Variants in AXDND1 observed in about 807,000 individuals in gnomAD.
The protein encoded by AXDND1 is axonemal dynein light chain domain-containing protein 1.
In AXDND1, 110 loss-of-function variants were observed where a neutral mutation model predicts 137.5. That is an observed-to-expected ratio of 0.80 (90% CI 0.69 to 0.94). The LOEUF is 0.94. AXDND1 is among the 40% of genes least tolerant of loss of function. The pLI is 0.00. For synonymous variants in AXDND1, 414 were observed against 399.7 expected (o/e 1.04, Z -0.43); for missense variants, 1,191 against 1,169.8 (o/e 1.02, Z -0.26).
intron 15 of AXDND1, among the ~76,000 whole-genome samples, chr1:179,435,938 A>G (rs924080503): frequency 1.3e-5 from 2 of 152,136 alleles, no homozygotes; most frequent in African/African-American, 4.8e-5. Flanking sequence ...CAATCTATCC[A>G]TCTGACAGAG....
intron 11 of AXDND1, among the ~76,000 whole-genome samples, chr1:179,397,311 T>C (rs879880953): frequency 2.0e-5 from 3 of 152,176 alleles, no homozygotes; most frequent in Non-Finnish European, 1.5e-5. Context: ...GAATATTGGC[T>C]TCCAATCTCT....
At chr1:179,403,914 A>G (rs1260077863) in intron 11 of AXDND1, among the ~76,000 whole-genome samples, 2 of 152,130 alleles carry the variant, frequency 1.3e-5, no homozygotes, top group African/African-American at 4.8e-5. Context: ...GCTCACTGCA[A>G]TAGCAGCAGA....
intron 11 of AXDND1, among the ~76,000 whole-genome samples, chr1:179,406,534 C>G (rs1212912823): frequency 6.6e-6 from 1 of 152,056 alleles, no homozygotes; most frequent in Non-Finnish European, 1.5e-5. Flanking sequence ...TCTGGGTGCT[C>G]CAGGGTTGGG....
At chr1:179,451,072 T>G (rs2125395917) in intron 16 of AXDND1, 1 of 152,358 alleles carries the variant, frequency 6.6e-6, no homozygotes, top group South Asian at 2.1e-4. Context: ...CTTTATCTGG[T>G]TTTGGTGTCA....
At chr1:179,428,029 A>G (rs1322156374) in intron 12 of AXDND1, among the ~76,000 whole-genome samples, 1 of 152,214 alleles carries the variant, frequency 6.6e-6, no homozygotes, top group Non-Finnish European at 1.5e-5. Context: ...AATGATTCTC[A>G]AAACAATGCT....
intron 20 of AXDND1, among the ~76,000 whole-genome samples, chr1:179,495,785 A>G (rs79435410): frequency 0.03 from 4,553 of 151,972 alleles, 243 homozygotes; most frequent in African/African-American, 0.1. Flanking sequence ...CATCTTAGGG[A>G]AAAAGTATTA....
chr1:179,483,640 CA>C (rs1465070431), intron 18 of AXDND1, among the ~76,000 whole-genome samples: 1 of 152,142 alleles, frequency 6.6e-6, no homozygotes, highest in African/African-American at 2.4e-5. Context: ...CCTTCTTTGG[CA>C]AAAATGCTTG....
At chr1:179,487,694 C>T (rs1666235078) in intron 18 of AXDND1, among the ~76,000 whole-genome samples, 1 of 148,322 alleles carries the variant, frequency 6.7e-6, no homozygotes, top group Non-Finnish European at 1.5e-5. Context: ...ATAATATTCA[C>T]TTTTCATTTC....
intron 20 of AXDND1, among the ~76,000 whole-genome samples, chr1:179,508,162 G>A (rs1668702161): frequency 2.0e-5 from 3 of 152,016 alleles, no homozygotes; most frequent in African/African-American, 7.3e-5. Context: ...TACAAGCCCA[G>A]CCTGGGCAAG....
chr1:179,539,555 A>T lies in AXDND1; in HGVS notation c.3031+4593A>T, dbSNP rs1448020827. ...TGGCTTGTAGGGTTTCTGCTGAGAG[A>T]TCTGCTGTTAGTCTGATGTGCTTCC... On this transcript the variant is annotated intron_variant, in intron 25 of 25. Coordinates refer to ENST00000367618, the MANE Select transcript of AXDND1 (RefSeq NM_144696.6). Among the ~76,000 whole-genome samples, 7 of 152,242 alleles carry T rather than the reference A, an allele frequency of 4.6e-5. No homozygotes were observed. The East Asian group carries it at 1.4e-3, about 29-fold the overall frequency.
At chr1:179,378,289 C>T (rs1300154759) in intron 4 of AXDND1, among the ~76,000 whole-genome samples, 1 of 152,014 alleles carries the variant, frequency 6.6e-6, no homozygotes, top group African/African-American at 2.4e-5. Context: ...TGGAGATACA[C>T]AGAAGTTAGG....
intron 16 of AXDND1, among the ~76,000 whole-genome samples, chr1:179,459,266 A>G (rs1326046991): frequency 6.6e-6 from 1 of 152,166 alleles, no homozygotes. Flanking sequence ...AGCTGGGACT[A>G]CAGGTGCATG....
At chr1:179,428,984 C>T (rs991516479) in intron 12 of AXDND1, among the ~76,000 whole-genome samples, 2 of 149,930 alleles carry the variant, frequency 1.3e-5, no homozygotes, top group African/African-American at 4.8e-5. Context: ...CGAGACAATC[C>T]TGGCTAACAG....
At chr1:179,382,059 G>A (rs747275327) in intron 6 of AXDND1, among the ~76,000 whole-genome samples, 3 of 150,044 alleles carry the variant, frequency 2.0e-5, no homozygotes, top group Non-Finnish European at 3.0e-5. Flanking sequence ...ATAGGCATGA[G>A]CCACCACGCC....
At chr1:179,504,745 C>T (rs1435738200) in intron 20 of AXDND1, among the ~76,000 whole-genome samples, 2 of 152,204 alleles carry the variant, frequency 1.3e-5, no homozygotes, top group Non-Finnish European at 2.9e-5. Flanking sequence ...ACTAGTGCTA[C>T]TTTGGTCCTC....
chr1:179,471,978 T>C (rs1202253530), intron 17 of AXDND1, among the ~76,000 whole-genome samples: 1 of 151,930 alleles, frequency 6.6e-6, no homozygotes. Context: ...CACTGCAACC[T>C]CCGCCTCCCA....
chr1:179,440,427 A>T (rs1304344578), intron 15 of AXDND1, among the ~76,000 whole-genome samples: 2 of 152,228 alleles, frequency 1.3e-5, no homozygotes, highest in Non-Finnish European at 2.9e-5. Flanking sequence ...AGCTTAGCAA[A>T]GGTTGCTATG....
intron 9 of AXDND1, 133 bp from the exon 10 acceptor site, chr1:179,393,770 C>T: frequency 1.7e-6 from 1 of 583,930 alleles, no homozygotes; most frequent in Non-Finnish European, 2.7e-6. Context: ...GGATTGATTT[C>T]TTGATTTGAT....
Position 179,422,804 on chromosome 1 carries a change from C to T in AXDND1, c.1231-6714C>T, listed in dbSNP as rs200884029. Among the ~76,000 whole-genome samples the T allele has an allele frequency of 1.5e-4, 23 of 152,204 alleles. No individual in the cohort carries two copies. In the East Asian group the frequency reaches 4.4e-3, roughly 29 times the overall value. On this transcript the variant is annotated intron_variant, in intron 12 of 25. Transcript: ENST00000367618. ...TTTGAGATGAAGTCTCACTCTGTTG[C>T]CCAGGCTGGAGTGCAGTGGTGCAGT... is the stretch of plus-strand genomic sequence containing the variant.
Sources: gnomAD v4.1 joint callset for allele counts (sites outside exome capture counted in the v4.1 genomes callset) on GRCh38, gnomAD v4.1.1 for gene constraint, MANE v1.5 for transcripts, NCBI Gene and HGNC (gene_info 2026-07-23, HGNC 2026-07-21) for gene names.